SYNE2: variants seen among roughly 807,000 people sequenced by gnomAD.
The protein encoded by SYNE2 is nesprin-2.
In SYNE2, 431 loss-of-function variants were observed where a neutral mutation model predicts 856.3. The observed-to-expected ratio is 0.50, with a 90% CI of 0.47 to 0.55. The LOEUF is 0.55. Ranked by LOEUF, SYNE2 falls within the 20% of genes least tolerant of loss-of-function variation. SYNE2 has a pLI of 0.00. For synonymous variants in SYNE2, 2,923 were observed against 2,872.3 expected, an observed-to-expected ratio of 1.02 and a Z score of -0.56; for missense variants, 8,129 against 8,023.2, an observed-to-expected ratio of 1.01 and a Z score of -0.50.
chr14:64,060,607 T>C (rs1440599922), intron 49 of SYNE2, among the ~76,000 whole-genome samples: 2 of 151,936 alleles, frequency 1.3e-5, no homozygotes, highest in African/African-American at 4.8e-5. Context: ...GTTCATGAGG[T>C]TGGAGGAGGG....
At chr14:64,080,723 A>T in intron 56 of SYNE2, 85 bp downstream of exon 56, 3 of 1,519,104 alleles carry the variant, frequency 2.0e-6, no homozygotes, top group Non-Finnish European at 2.7e-6. Flanking sequence ...AGAAACAGTC[A>T]GTTTCTGTTG....
chr14:64,206,017 C>T (rs1330959031), intron 100 of SYNE2, among the ~76,000 whole-genome samples: 1 of 152,192 alleles, frequency 6.6e-6, no homozygotes, highest in Non-Finnish European at 1.5e-5. Context: ...GCACTGGGGG[C>T]TTCACGCTAT....
At chr14:63,833,126 T>C (rs1889728939) in intron 1 of SYNE2, among the ~76,000 whole-genome samples, 1 of 151,586 alleles carries the variant, frequency 6.6e-6, no homozygotes, top group South Asian at 2.1e-4. Flanking sequence ...GAAAGATCCC[T>C]GGATCCCAGG....
At chr14:64,135,909 G>A (rs182614778) in intron 78 of SYNE2, among the ~76,000 whole-genome samples, 1 of 152,284 alleles carries the variant, frequency 6.6e-6, no homozygotes, top group Non-Finnish European at 1.5e-5. Flanking sequence ...CTAGGAGTCA[G>A]TTGTCTGGCC....
intron 10 of SYNE2, among the ~76,000 whole-genome samples, chr14:63,966,407 C>T (rs913969061): frequency 1.7e-4 from 26 of 151,966 alleles, no homozygotes; most frequent in Middle Eastern, 3.4e-3. Flanking sequence ...CCTGTAGTGC[C>T]AGCTGCTCGG....
At chr14:64,097,269 T>C (rs2153634769) in intron 61 of SYNE2, among the ~76,000 whole-genome samples, 1 of 152,358 alleles carries the variant, frequency 6.6e-6, no homozygotes, top group East Asian at 1.9e-4. Flanking sequence ...TTTGTTTACC[T>C]ATTCCTATTT....
At chr14:64,046,802 G>A (rs1215768527) in intron 45 of SYNE2, among the ~76,000 whole-genome samples, 3 of 152,334 alleles carry the variant, frequency 2.0e-5, no homozygotes, top group East Asian at 1.9e-4. Flanking sequence ...AGCTGCTCTG[G>A]GTGCCGAGAC....
At chr14:64,073,101 A>G (rs1016462961) in intron 52 of SYNE2, among the ~76,000 whole-genome samples, 1 of 152,256 alleles carries the variant, frequency 6.6e-6, no homozygotes, top group African/African-American at 2.4e-5. Context: ...TGGAGACTTC[A>G]TTATGTAGTC....
In SYNE2 at chr14:63,941,719, G is replaced by A. The variant is rs748808292; in HGVS notation, c.166G>A (p.Asp56Asn). The part of the protein sequence containing the change: ...ARHTSPSVIS[D>N]LFTDIKKGHV... The stretch of plus-strand genomic sequence containing the variant: ...GCACACTTCTCCCTCAGTTATATCC[G>A]ACCTATTCACAGACATTAAAAAGGG... Residue 56 changes from aspartate to asparagine, a missense_variant, in exon 4 of 116, where the codon GAC becomes AAC. Physicochemically the swap from Asp to Asn is conservative, Grantham distance 23 (BLOSUM62 1). This residue lies in a region of SYNE2 where 2,422 missense variants were observed against 2,357.4 expected (regional missense o/e 1.03). Transcript: ENST00000555002. 6.8e-6 allele frequency: 11 copies of A among 1,613,808 alleles called. No homozygotes were observed. Among genetic ancestry groups the A allele is most frequent in the African/African-American group, 4.0e-5 (3 of 74,856 alleles).
intron 1 of SYNE2, among the ~76,000 whole-genome samples, chr14:63,809,205 A>G (rs1888513130): frequency 6.6e-6 from 1 of 152,016 alleles, no homozygotes; most frequent in South Asian, 2.1e-4. Context: ...CTTTAAATAA[A>G]GCGTTTGTGT....
At chr14:63,986,014 A>T (rs982754497) in intron 18 of SYNE2, among the ~76,000 whole-genome samples, 31 of 152,222 alleles carry the variant, frequency 2.0e-4, no homozygotes, top group Admixed American at 1.8e-3. Context: ...TATAGAAGAA[A>T]AAAGTTATTA....
chr14:64,002,654 A>T, intron 29 of SYNE2, 66 bp from the exon 30 acceptor site: 1 of 1,556,796 alleles, frequency 6.4e-7, no homozygotes, highest in Non-Finnish European at 8.7e-7. Flanking sequence ...GTTTGGGGCT[A>T]GTTTCTCACA....
chr14:64,080,828 T>C (rs577965583), intron 56 of SYNE2, among the ~76,000 whole-genome samples, 190 bp downstream of exon 56: 68 of 152,220 alleles, frequency 4.5e-4, no homozygotes, highest in Non-Finnish European at 7.4e-4. Context: ...GGAAGTCTGA[T>C]TGGGCAGACA....
chr14:64,165,188 A>G, intron 89 of SYNE2, 97 bp from the exon 90 acceptor site: 6 of 1,418,466 alleles, frequency 4.2e-6, no homozygotes, highest in Non-Finnish European at 5.9e-6. Flanking sequence ...TGCCTAGCCA[A>G]AAACATCTTG....
rs1409935174 is a variant in SYNE2, at chr14:64,122,000, A to T, written c.13159-12A>T. 1.9e-6 allele frequency: 3 copies of T among 1,613,028 alleles called. No individual in the cohort carries two copies. Among genetic ancestry groups the T allele is most frequent in the Non-Finnish European group, 2.5e-6 (3 of 1,179,814 alleles). On this transcript the variant is annotated splice_polypyrimidine_tract_variant and intron_variant, in intron 68 of 115. Coordinates refer to ENST00000555002, the MANE Select transcript of SYNE2 (RefSeq NM_182914.3). ...TGATGGATTGGACCATTTGAATCTC[A>T]TTCAATTACAGGTTCTGGAGTTAAA...
intron 1 of SYNE2, among the ~76,000 whole-genome samples, chr14:63,802,295 C>G (rs376718481): frequency 7.9e-6 from 1 of 125,910 alleles, no homozygotes; most frequent in African/African-American, 2.9e-5. Flanking sequence ...TTAGTAGAGA[C>G]GGGGTTTCAC....
Position 64,021,898 on chromosome 14 carries a change from A to G in SYNE2, c.5394A>G (p.Ile1798Met), listed in dbSNP as rs1337878950. The change falls in exon 37 of 116, where the codon ATA becomes ATG. Residue 1798 changes from isoleucine to methionine, a missense_variant. This residue lies in a region of SYNE2 where 2,422 missense variants were observed against 2,357.4 expected (regional missense o/e 1.03). Coordinates refer to ENST00000555002, the MANE Select transcript of SYNE2 (RefSeq NM_182914.3). ...TTCTACAGCAAAAACACAGTATGAT[A>G]TTACTTGAGAATCAAATAGGTTGTC... Reference protein sequence around the residue: ...QQILQQKHSMILLENQIGCLT... With the variant: ...QQILQQKHSMMLLENQIGCLT... The G allele has an allele frequency of 3.1e-6, 5 of 1,613,898 alleles. No homozygotes were observed. The highest frequency in any genetic ancestry group is 3.4e-6 in the Non-Finnish European group (4 of 1,179,954).
At chr14:63,927,967 A>C (rs2095692373) in intron 2 of SYNE2, among the ~76,000 whole-genome samples, 1 of 152,058 alleles carries the variant, frequency 6.6e-6, no homozygotes, top group Admixed American at 6.5e-5. Context: ...TGAGTCCATT[A>C]AACCTCTTTT....
intron 7 of SYNE2, 106 bp from the exon 8 acceptor site, chr14:63,954,613 T>G: frequency 1.0e-6 from 1 of 957,158 alleles, no homozygotes; most frequent in South Asian, 1.4e-5. Flanking sequence ...GCATGATGTA[T>G]CTAATTTACT....
Sources: gnomAD v4.1 joint callset for allele counts (sites outside exome capture counted in the v4.1 genomes callset) on GRCh38, gnomAD v4.1.1 for gene constraint, gnomAD v4.1.1 regional missense constraint, MANE v1.5 for transcripts, NCBI Gene and HGNC (gene_info 2026-07-23, HGNC 2026-07-21) for gene names.